PLPP1: variants seen among roughly 807,000 people sequenced by gnomAD.
PLPP1 encodes lipid phosphate phosphohydrolase 1a.
In PLPP1, 24 loss-of-function variants were observed where a neutral mutation model predicts 31.2. The observed-to-expected ratio is 0.77, with a 90% confidence interval of 0.56 to 1.08. The LOEUF (loss-of-function observed/expected upper bound fraction) is 1.08, where lower values mean the gene tolerates loss of function less well. Among genes scored for constraint, PLPP1 ranks in the 50% least tolerant of loss-of-function variants. The pLI is 0.00. For missense variants in PLPP1, 319 were observed against 342.7 expected, an observed-to-expected ratio of 0.93 and a Z score of 0.55; for synonymous variants, 146 against 126.3, an observed-to-expected ratio of 1.16 and a Z score of -1.05.
chr5:55,451,263 A>T (rs997491595), intron 3 of PLPP1, among the ~76,000 whole-genome samples: 2 of 152,212 alleles, frequency 1.3e-5, no homozygotes, highest in African/African-American at 4.8e-5. Context: ...CTACAAAAAA[A>T]ATTTGTTTTA....
chr5:55,437,251 T>TC (rs1751513682), intron 4 of PLPP1, among the ~76,000 whole-genome samples: 1 of 152,232 alleles, frequency 6.6e-6, no homozygotes, highest in African/African-American at 2.4e-5. Flanking sequence ...AAATAAATAA[T>TC]CGTTGAACGA....
At chr5:55,513,595 G>A (rs1267263460) in intron 1 of PLPP1, among the ~76,000 whole-genome samples, 4 of 151,872 alleles carry the variant, frequency 2.6e-5, no homozygotes, top group South Asian at 2.1e-4. Context: ...GAAGAAAGCT[G>A]GCAAATTCTA....
At chr5:55,530,545 T>C (rs1740626343) in intron 1 of PLPP1, 7 of 1,234,500 alleles carry the variant, frequency 5.7e-6, no homozygotes, top group Non-Finnish European at 8.4e-6. Flanking sequence ...TTTGGAATGA[T>C]AGAAGAAACA....
intron 4 of PLPP1, among the ~76,000 whole-genome samples, chr5:55,432,316 C>G (rs1288221039): frequency 2.0e-5 from 3 of 152,022 alleles, no homozygotes; most frequent in Non-Finnish European, 4.4e-5. Flanking sequence ...TGGATACATA[C>G]AATCTTCCAA....
intron 1 of PLPP1, among the ~76,000 whole-genome samples, chr5:55,513,386 G>C (rs1441021208): frequency 6.6e-6 from 1 of 150,810 alleles, no homozygotes; most frequent in Non-Finnish European, 1.5e-5. Flanking sequence ...TCAGCTTCCA[G>C]GGTATCTGGG....
At chr5:55,440,823 C>T (rs1008035669) in intron 4 of PLPP1, among the ~76,000 whole-genome samples, 6 of 152,110 alleles carry the variant, frequency 3.9e-5, no homozygotes, top group African/African-American at 9.7e-5. Flanking sequence ...ACATATTGTG[C>T]ATTTTAAGTC....
At chr5:55,480,231 AAC>A (rs1162851012) in intron 1 of PLPP1, among the ~76,000 whole-genome samples, 3 of 152,096 alleles carry the variant, frequency 2.0e-5, no homozygotes, top group Admixed American at 2.0e-4. Flanking sequence ...ACCCTTGTCA[AAC>A]ACTGTTTCTT....
intron 1 of PLPP1, among the ~76,000 whole-genome samples, chr5:55,520,552 T>A (rs1375603838): frequency 2.6e-5 from 4 of 152,198 alleles, no homozygotes; most frequent in South Asian, 2.1e-4. Context: ...TTCACAGCAC[T>A]ATGAGAAAGG....
At chr5:55,509,967 T>G (rs1753369717) in intron 1 of PLPP1, among the ~76,000 whole-genome samples, 1 of 152,228 alleles carries the variant, frequency 6.6e-6, no homozygotes, top group Non-Finnish European at 1.5e-5. Context: ...GTGATTTTTA[T>G]ATGTCAAAAG....
chr5:55,439,680 C>G (rs1047924965), intron 4 of PLPP1, among the ~76,000 whole-genome samples: 4 of 152,170 alleles, frequency 2.6e-5, no homozygotes, highest in African/African-American at 9.7e-5. Flanking sequence ...ATGTCATCCT[C>G]TCTATAGTAA....
At chr5:55,475,513 A>T in intron 1 of PLPP1, 63 bp from the exon 2 acceptor site, 11 of 1,364,750 alleles carry the variant, frequency 8.1e-6, no homozygotes, top group Non-Finnish European at 1.0e-5. Context: ...ATTAATGGCA[A>T]TAATTATCCC....
chr5:55,440,369 TC>T, intron 4 of PLPP1, among the ~76,000 whole-genome samples: 1 of 152,156 alleles, frequency 6.6e-6, no homozygotes, highest in East Asian at 1.9e-4. Context: ...TGCTCAGCCT[TC>T]CGGGTCTGCC....
At chr5:55,514,400 A>G (rs1035697392) in intron 1 of PLPP1, among the ~76,000 whole-genome samples, 4 of 152,140 alleles carry the variant, frequency 2.6e-5, no homozygotes, top group Admixed American at 2.6e-4. Flanking sequence ...AAAAAAAAAA[A>G]AAAATTAAAC....
intron 4 of PLPP1, among the ~76,000 whole-genome samples, chr5:55,433,511 T>C (rs1188679892): frequency 2.0e-5 from 2 of 97,652 alleles, no homozygotes; most frequent in South Asian, 3.8e-4. Flanking sequence ...TCTAGCATTT[T>C]TTTTTTTTGA....
intron 1 of PLPP1, among the ~76,000 whole-genome samples, chr5:55,498,724 A>G (rs1753055731): frequency 6.6e-6 from 1 of 152,154 alleles, no homozygotes. Flanking sequence ...AAGGTGAACA[A>G]TCTGAAGTCC....
At chr5:55,517,257 C>G (rs182837782) in intron 1 of PLPP1, among the ~76,000 whole-genome samples, 12 of 152,308 alleles carry the variant, frequency 7.9e-5, no homozygotes, top group African/African-American at 2.4e-4. Flanking sequence ...GGTGCAATCA[C>G]AGCTCATTGC....
intron 4 of PLPP1, among the ~76,000 whole-genome samples, chr5:55,438,781 G>A (rs1326950033): frequency 2.6e-5 from 4 of 151,988 alleles, no homozygotes; most frequent in African/African-American, 4.8e-5. Context: ...GGCGCCTGTA[G>A]TCCCAGCTAC....
intron 3 of PLPP1, 70 bp from the exon 4 acceptor site, chr5:55,441,978 C>G: frequency 6.8e-7 from 1 of 1,464,022 alleles, no homozygotes; most frequent in Middle Eastern, 1.7e-4. Flanking sequence ...TTTCATAAAT[C>G]TGCTCCTTAG....
intron 3 of PLPP1, among the ~76,000 whole-genome samples, chr5:55,466,874 GA>G (rs1487184064): frequency 6.6e-6 from 1 of 152,154 alleles, no homozygotes; most frequent in Non-Finnish European, 1.5e-5. Flanking sequence ...ACAACTAAAG[GA>G]AATTAAACTT....
Sources: allele counts gnomAD v4.1 joint callset (sites outside exome capture counted in the v4.1 genomes callset), GRCh38; gene constraint gnomAD v4.1.1; transcripts MANE v1.5; gene names NCBI Gene and HGNC (gene_info 2026-07-23, HGNC 2026-07-21).